GRM5: variants seen among roughly 807,000 people sequenced by gnomAD.
GRM5 encodes the protein metabotropic glutamate receptor 5.
GRM5 carries 19 observed loss-of-function variants against 83.1 expected under a neutral mutation model. The observed-to-expected ratio is 0.23, with a 90% CI of 0.16 to 0.34. GRM5 has a LOEUF of 0.34. Among genes scored for constraint, GRM5 ranks in the 10% least tolerant of loss-of-function variants. The probability of loss-of-function intolerance (pLI) is 1.00; values close to 1 mark genes in which losing one functional copy is unlikely to be tolerated. For synonymous variants in GRM5, 675 were observed against 633.6 expected (o/e 1.07, Z -0.98); for missense variants, 1,160 against 1,588.3 (o/e 0.73, Z 4.58).
chr11:88,787,643 TA>T (rs1943098543), intron 3 of GRM5, among the ~76,000 whole-genome samples: 1 of 152,070 alleles, frequency 6.6e-6, no homozygotes. Flanking sequence ...TGATTTGGGT[TA>T]AGAATATTAA....
chr11:88,687,756 TTTAA>T (rs1464775742), intron 3 of GRM5, among the ~76,000 whole-genome samples: 1 of 148,876 alleles, frequency 6.7e-6, no homozygotes, highest in Non-Finnish European at 1.5e-5. Flanking sequence ...AGCAACATTA[TTTAA>T]TTAACTCATC....
At chr11:88,850,284 T>G (rs1430355448) in intron 2 of GRM5, 129 bp from the exon 3 acceptor site, 4 of 811,332 alleles carry the variant, frequency 4.9e-6, no homozygotes, top group African/African-American at 1.7e-5. Context: ...AAGACCTGAA[T>G]TTTGGTTTTT....
chr11:88,781,716 G>T (rs1565228063), intron 3 of GRM5, among the ~76,000 whole-genome samples: 1 of 152,202 alleles, frequency 6.6e-6, no homozygotes, highest in Admixed American at 6.5e-5. Flanking sequence ...GAACAAAGCA[G>T]GAAGACATTA....
intron 7 of GRM5, among the ~76,000 whole-genome samples, chr11:88,581,818 GAA>G (rs1043711383): frequency 6.6e-6 from 1 of 152,084 alleles, no homozygotes; most frequent in Non-Finnish European, 1.5e-5. Flanking sequence ...TGTTATATTG[GAA>G]AAAATATTTT....
intron 4 of GRM5, among the ~76,000 whole-genome samples, chr11:88,618,810 T>G (rs1357411999): frequency 6.6e-6 from 1 of 152,182 alleles, no homozygotes; most frequent in Non-Finnish European, 1.5e-5. Context: ...AGAACAGGAC[T>G]TCATTCAGTA....
chr11:88,897,884 T>G (rs766724224), intron 2 of GRM5, among the ~76,000 whole-genome samples: 7 of 151,962 alleles, frequency 4.6e-5, no homozygotes, highest in Admixed American at 6.6e-5. Flanking sequence ...CATGTAAGCT[T>G]TGGAACCAGG....
At chr11:88,738,443 G>C (rs751734392) in intron 3 of GRM5, among the ~76,000 whole-genome samples, 1 of 152,130 alleles carries the variant, frequency 6.6e-6, no homozygotes, top group South Asian at 2.1e-4. Context: ...TGTAGGAAAA[G>C]CTGGGTAAAA....
At chr11:88,724,124 A>G (rs962180863) in intron 3 of GRM5, among the ~76,000 whole-genome samples, 2 of 152,124 alleles carry the variant, frequency 1.3e-5, no homozygotes, top group South Asian at 2.1e-4. Context: ...CTCCAGATCC[A>G]TCTTTGACCA....
At chr11:88,780,905 C>G (rs1942961986) in intron 3 of GRM5, among the ~76,000 whole-genome samples, 1 of 152,056 alleles carries the variant, frequency 6.6e-6, no homozygotes, top group East Asian at 1.9e-4. Context: ...AAGTGTGAGA[C>G]AAATTTGCAT....
intron 8 of GRM5, among the ~76,000 whole-genome samples, chr11:88,555,879 T>C (rs1308740556): frequency 6.6e-6 from 1 of 152,170 alleles, no homozygotes; most frequent in Non-Finnish European, 1.5e-5. Flanking sequence ...ATTTAGTTTC[T>C]ATGTAATTAA....
rs533478907 is a variant in GRM5 at position 88,707,605 on chromosome 11, G to A, written c.912-54202C>T. ...GGATGTGTGTAGGTTATATGCAAAT[G>A]GTACACCATTTTATATGAGGGGCTT... is the stretch of plus-strand genomic sequence containing the variant. On this transcript the variant is annotated intron_variant, in intron 3 of 9. Transcript: ENST00000305447. 3.3e-5 allele frequency among the ~76,000 whole-genome samples: 5 copies of A among 152,156 alleles called. No individual in the cohort carries two copies. In the East Asian group the frequency reaches 9.7e-4, roughly 29 times the overall value.
At chr11:88,816,973 CT>C (rs1565244967) in intron 3 of GRM5, among the ~76,000 whole-genome samples, 1 of 152,114 alleles carries the variant, frequency 6.6e-6, no homozygotes, top group Non-Finnish European at 1.5e-5. Context: ...GTCGGTCTGT[CT>C]ATCTATCTAC....
chr11:88,562,316 T>A (rs1177285440), intron 8 of GRM5, among the ~76,000 whole-genome samples: 1 of 152,072 alleles, frequency 6.6e-6, no homozygotes, highest in Non-Finnish European at 1.5e-5. Context: ...AAGAAAACAG[T>A]CCATATATGC....
chr11:88,793,469 A>G (rs1435301483), intron 3 of GRM5, among the ~76,000 whole-genome samples: 1 of 152,230 alleles, frequency 6.6e-6, no homozygotes, highest in Non-Finnish European at 1.5e-5. Flanking sequence ...CGTAGTATCA[A>G]TCTGGCATTT....
intron 2 of GRM5, among the ~76,000 whole-genome samples, chr11:89,010,106 T>C (rs1940656183): frequency 6.6e-6 from 1 of 150,842 alleles, no homozygotes; most frequent in Non-Finnish European, 1.5e-5. Flanking sequence ...GCCATATACA[T>C]TACAAAGGAT....
intron 2 of GRM5, among the ~76,000 whole-genome samples, chr11:89,033,818 T>C (rs1306301796): frequency 6.6e-6 from 1 of 151,730 alleles, no homozygotes; most frequent in Admixed American, 6.6e-5. Flanking sequence ...ATCAATTATA[T>C]TGATTATTCA....
intron 2 of GRM5, among the ~76,000 whole-genome samples, chr11:88,973,775 A>C (rs1441093271): frequency 6.6e-6 from 1 of 152,104 alleles, no homozygotes; most frequent in Non-Finnish European, 1.5e-5. Context: ...TCATAACTGA[A>C]ACTTACTCTT....
At position 88,549,998 on chromosome 11, in the gene GRM5, G is replaced by C. The variant is rs117564025; in HGVS notation, c.2630+17055C>G. Reference sequence around the variant, plus strand: ...ATATCAGTGAAAATGCAAAAGATAAGGTAAAATTAGTAGGAGAAATGACTG... The same window carrying C: ...ATATCAGTGAAAATGCAAAAGATAACGTAAAATTAGTAGGAGAAATGACTG... On this transcript the variant is annotated intron_variant, in intron 8 of 9. Coordinates refer to ENST00000305447, the MANE Select transcript of GRM5 (RefSeq NM_001143831.3). 5.2e-3 allele frequency among the ~76,000 whole-genome samples: 784 copies of C among 152,122 alleles called. 14 individuals are homozygous for C. Among genetic ancestry groups the C allele is most frequent in the East Asian group, 0.029 (151 of 5,162 alleles).
intron 2 of GRM5, among the ~76,000 whole-genome samples, chr11:89,029,402 T>C (rs1260681368): frequency 6.6e-6 from 1 of 152,208 alleles, no homozygotes; most frequent in Non-Finnish European, 1.5e-5. Flanking sequence ...AACTCAACCA[T>C]ACTTAGTGAG....
Sources: gnomAD v4.1 joint callset for allele counts (sites outside exome capture counted in the v4.1 genomes callset) on GRCh38, gnomAD v4.1.1 for gene constraint, MANE v1.5 for transcripts, NCBI Gene and HGNC (gene_info 2026-07-23, HGNC 2026-07-21) for gene names.